The following RBPJ variants were observed in gnomAD, a reference collection of about 807,000 sequenced individuals.
RBPJ encodes the protein recombination signal binding protein for immunoglobulin kappa J region, also known as recombining binding protein suppressor of hairless.
A neutral mutation model predicts 67.8 loss-of-function variants in RBPJ; 9 were observed. The observed-to-expected ratio is 0.13, with a 90% CI of 0.08 to 0.23. The LOEUF is 0.23. RBPJ is among the 10% of genes least tolerant of loss of function. The probability of loss-of-function intolerance (pLI) is 1.00; values close to 1 mark genes in which losing one functional copy is unlikely to be tolerated. For missense variants in RBPJ, 305 were observed against 595.6 expected (o/e 0.51, Z 5.08); for synonymous variants, 198 against 203.3 (o/e 0.97, Z 0.22).
intron 1 of RBPJ, among the ~76,000 whole-genome samples, chr4:26,311,623 T>C (rs1274289514): frequency 6.6e-6 from 1 of 152,098 alleles, no homozygotes; most frequent in Non-Finnish European, 1.5e-5. Flanking sequence ...CTGCTTCACA[T>C]GCCTTTGGAT....
At chr4:26,310,572 AAAAAT>A (rs1722393548) in intron 1 of RBPJ, among the ~76,000 whole-genome samples, 1 of 152,194 alleles carries the variant, frequency 6.6e-6, no homozygotes, top group Non-Finnish European at 1.5e-5. Context: ...ATTAAATAAC[AAAAAT>A]AATATTGTCA....
chr4:26,380,786 C>A (rs1730236150), intron 1 of RBPJ, among the ~76,000 whole-genome samples: 1 of 151,946 alleles, frequency 6.6e-6, no homozygotes, highest in Non-Finnish European at 1.5e-5. Context: ...TTCTCTCCAG[C>A]ACATACTTCA....
chr4:26,255,330 G>A (rs1359153415), intron 1 of RBPJ, among the ~76,000 whole-genome samples: 6 of 123,658 alleles, frequency 4.9e-5, no homozygotes, highest in Non-Finnish European at 9.7e-5. Flanking sequence ...CGTGAACCCA[G>A]GAGGCGGAGC....
intron 1 of RBPJ, among the ~76,000 whole-genome samples, chr4:26,257,089 G>A (rs908385417): frequency 4.9e-4 from 75 of 152,138 alleles, no homozygotes; most frequent in Non-Finnish European, 1.5e-4. Flanking sequence ...CGTTGTTGTT[G>A]TAGTAATTGC....
rs762929152 is a variant in RBPJ at position 26,424,454 on chromosome 4, G to A, written c.609G>A (p.Gln203=). 1.9e-6 allele frequency: 3 copies of A among 1,614,128 alleles called. No individual in the cohort carries two copies. The highest frequency in any genetic ancestry group is 8.5e-7 in the Non-Finnish European group (1 of 1,179,998). ...EGGNFHASSQ[Q]WGAFFIHLLD... ...GTAATTTTCATGCCAGTTCACAGCA[G>A]TGGGGAGCCTTTTTTATTCATCTCT... Residue 203 remains glutamine (Q), a synonymous_variant, in exon 6 of 11, where the codon CAG becomes CAA. Coordinates refer to ENST00000355476, the MANE Select transcript of RBPJ (RefSeq NM_015874.6). This position sits in a 1 kb window ranked among gnomAD's most constrained non-coding sequence, Gnocchi z 5.3.
chr4:26,192,607 T>TG (rs1237228096), intron 1 of RBPJ, among the ~76,000 whole-genome samples: 1 of 152,184 alleles, frequency 6.6e-6, no homozygotes, highest in African/African-American at 2.4e-5. Flanking sequence ...CTCTATGAGG[T>TG]GGGTCTGATT....
In RBPJ at chr4:26,413,499, T is replaced by G. The variant is rs1734245672; in HGVS notation, c.156-1976T>G. Among the ~76,000 whole-genome samples, 3 of 152,336 alleles carry G rather than the reference T, an allele frequency of 2.0e-5. No homozygotes were observed. In the South Asian group the frequency reaches 6.2e-4, roughly 32 times the overall value. ...AGGAATTTTGTCTAATTTTTTTGTT[T>G]ATTTTTACTGCTATATCCCCAGTAT... On this transcript the variant is annotated intron_variant, in intron 3 of 10. Coordinates refer to ENST00000355476, the MANE Select transcript of RBPJ (RefSeq NM_015874.6).
chr4:26,207,453 TGATG>T (rs1718210080), intron 1 of RBPJ, among the ~76,000 whole-genome samples: 1 of 152,206 alleles, frequency 6.6e-6, no homozygotes, highest in African/African-American at 2.4e-5. Context: ...TGGTGTTAGC[TGATG>T]GATGGATCGA....
intron 1 of RBPJ, among the ~76,000 whole-genome samples, chr4:26,178,226 G>A (rs1430295516): frequency 6.6e-6 from 1 of 152,202 alleles, no homozygotes; most frequent in Admixed American, 6.5e-5. Context: ...GCTCTGAAGA[G>A]CAGGTGTCTT....
At chr4:26,315,620 G>A (rs1183449062), upstream of RBPJ, among the ~76,000 whole-genome samples, 2 of 152,106 alleles carry the variant, frequency 1.3e-5, no homozygotes, top group Non-Finnish European at 2.9e-5. Flanking sequence ...TTAAACAACA[G>A]AAAACAGGGT....
intron 1 of RBPJ, among the ~76,000 whole-genome samples, chr4:26,244,278 T>C (rs866184120): frequency 6.8e-5 from 10 of 146,916 alleles, no homozygotes; most frequent in Non-Finnish European, 1.0e-4. Context: ...CACATATATG[T>C]GTGTATATGT....
chr4:26,267,755 G>A (rs1720750277), intron 1 of RBPJ, among the ~76,000 whole-genome samples: 1 of 151,844 alleles, frequency 6.6e-6, no homozygotes, highest in Non-Finnish European at 1.5e-5. Flanking sequence ...CTACAGGCAC[G>A]CACCACCACA....
intron 2 of RBPJ, among the ~76,000 whole-genome samples, chr4:26,401,918 C>G (rs1349235818): frequency 8.8e-6 from 1 of 113,504 alleles, no homozygotes; most frequent in Non-Finnish European, 1.7e-5. Context: ...GAGGGAGTTT[C>G]ACTCTTGTTG....
intron 1 of RBPJ, among the ~76,000 whole-genome samples, chr4:26,285,604 C>A (rs2109280087): frequency 6.7e-6 from 1 of 149,340 alleles, no homozygotes; most frequent in Non-Finnish European, 1.5e-5. Flanking sequence ...ATAGTGACTG[C>A]CATCAACTCT....
chr4:26,191,604 C>A (rs968603999), intron 1 of RBPJ, among the ~76,000 whole-genome samples: 1 of 152,156 alleles, frequency 6.6e-6, no homozygotes, highest in African/African-American at 2.4e-5. Context: ...AAAGCAGGAG[C>A]CAGCTCCAAG....
intron 2 of RBPJ, among the ~76,000 whole-genome samples, chr4:26,397,110 A>C (rs1732198092): frequency 1.3e-5 from 2 of 152,224 alleles, no homozygotes; most frequent in Admixed American, 1.3e-4. Flanking sequence ...GATTTTGCTT[A>C]AGGTTCTGAG....
At chr4:26,337,995 T>C (rs915629789) in intron 1 of RBPJ, among the ~76,000 whole-genome samples, 4 of 151,966 alleles carry the variant, frequency 2.6e-5, no homozygotes, top group Non-Finnish European at 5.9e-5. Flanking sequence ...CCCTAGTTTT[T>C]CATTTGTCAT....
At chr4:26,357,437 C>T (rs1405842105) in intron 1 of RBPJ, among the ~76,000 whole-genome samples, 1 of 151,638 alleles carries the variant, frequency 6.6e-6, no homozygotes, top group Admixed American at 6.6e-5. Flanking sequence ...TGCCACTTAA[C>T]GAAGATAGAA....
chr4:26,241,095 G>A (rs1183881448), intron 1 of RBPJ, among the ~76,000 whole-genome samples: 1 of 152,006 alleles, frequency 6.6e-6, no homozygotes, highest in Non-Finnish European at 1.5e-5. Flanking sequence ...TACCAGGGAG[G>A]CTGAGGTGGG....
Sources: allele counts gnomAD v4.1 joint callset (sites outside exome capture counted in the v4.1 genomes callset), GRCh38; gene constraint gnomAD v4.1.1; non-coding constraint Gnocchi (gnomAD v3.1); transcripts MANE v1.5; gene names NCBI Gene and HGNC (gene_info 2026-07-23, HGNC 2026-07-21).